The following PPM1J variants were observed in gnomAD, a reference collection of about 807,000 sequenced individuals.
The protein encoded by PPM1J is protein phosphatase, Mg2+/Mn2+ dependent 1J, also known as protein phosphatase 1J.
In PPM1J, 43 loss-of-function variants were observed where a neutral mutation model predicts 53.3. The ratio of observed to expected loss-of-function variants is 0.81; its 90% CI spans 0.63 to 1.04. The LOEUF is 1.04. PPM1J is among the 50% of genes least tolerant of loss of function. The pLI is 0.00. For missense variants in PPM1J, 635 were observed against 685.9 expected, an observed-to-expected ratio of 0.93 and a Z score of 0.83; for synonymous variants, 267 against 286.4, an observed-to-expected ratio of 0.93 and a Z score of 0.68.
chr1:112,712,116 T>G, intron 4 of PPM1J, 61 bp from the exon 5 acceptor site: 1 of 1,397,038 alleles, frequency 7.2e-7, no homozygotes, highest in Non-Finnish European at 9.9e-7. Flanking sequence ...CATGAAAAAT[T>G]CCAGAAAGAC....
chr1:112,710,088 G>A lies in PPM1J; in HGVS notation c.*75C>T, dbSNP rs1675020834. On this transcript the variant is annotated 3_prime_UTR_variant, in exon 10 of 10. Coordinates refer to ENST00000309276, the MANE Select transcript of PPM1J (RefSeq NM_005167.7). ...TAAGTTGCCACTAAAGAAGGGTCAG[G>A]GAGACAACTTCAGAATTTGGGCTGT... The A allele has an allele frequency of 6.7e-7, 1 of 1,489,952 alleles. No individual in the cohort carries two copies. Among genetic ancestry groups the A allele is most frequent in the Non-Finnish European group, 8.9e-7 (1 of 1,122,540 alleles). 92.3% of individuals were successfully genotyped at this position (1,489,952 alleles called of 1,614,324 possible).
Position 112,711,082 on chromosome 1 carries a change from G to T in PPM1J, c.1047-11C>A. ...ATCTTTTTGTAGGCCCTGGGGAGGG[G>T]GGAGTAGAGGAGGCATCACCCAGGC... On this transcript the variant is annotated splice_polypyrimidine_tract_variant and intron_variant, in intron 6 of 9. Transcript: ENST00000309276. 1.2e-6 allele frequency: 2 copies of T among 1,613,370 alleles called. No individual in the cohort carries two copies. Among genetic ancestry groups the T allele is most frequent in the Non-Finnish European group, 1.7e-6 (2 of 1,179,340 alleles).
At position 112,710,189 on chromosome 1, in the gene PPM1J, G is replaced by C. The variant is rs145240839; in HGVS notation, c.1492C>G (p.Leu498Val). Residue 498 changes from leucine to valine, a missense_variant, in exon 10 of 10, where the codon CTG becomes GTG. Physicochemically the swap from Leu to Val is conservative, Grantham distance 32. Coordinates refer to ENST00000309276, the MANE Select transcript of PPM1J (RefSeq NM_005167.7). ...GDDISVFVIPLGGPGSYS is the reference protein window; with the variant it reads ...GDDISVFVIPVGGPGSYS ...CAGGAGTAACTGCCTGGCCCTCCCAGGGGGATGACGAAGACAGAGATGTCA... is the reference window on the plus strand; with the variant it reads ...CAGGAGTAACTGCCTGGCCCTCCCACGGGGATGACGAAGACAGAGATGTCA... The C allele has an allele frequency of 5.2e-4, 816 of 1,574,888 alleles. 3 individuals are homozygous for C. Among genetic ancestry groups the C allele is most frequent in the Non-Finnish European group, 4.3e-4 (506 of 1,165,018 alleles).
Position 112,712,347 on chromosome 1 carries a change from G to C in PPM1J, c.840C>G (p.Ser280Arg), listed in dbSNP as rs779971861. 2 of 1,608,518 alleles carry C rather than the reference G, an allele frequency of 1.2e-6. No individual in the cohort carries two copies. Among genetic ancestry groups the C allele is most frequent in the East Asian group, 2.2e-5 (1 of 44,572 alleles). ...GKVYVANAGDSRAIIVRNGEI... is the reference protein window; with the variant it reads ...GKVYVANAGDRRAIIVRNGEI... ...CCTTGGAGCCCCCTCCCCCATACCT[G>C]CTATCGCCTGCATTGGCCACGTACA... is the stretch of plus-strand genomic sequence containing the variant. Residue 280 changes from serine to arginine, a missense_variant and splice_region_variant, in exon 4 of 10, where the codon AGC (serine) becomes AGG (arginine). Coordinates refer to ENST00000309276, the MANE Select transcript of PPM1J (RefSeq NM_005167.7).
At chr1:112,712,638 G>A in intron 3 of PPM1J, 106 bp downstream of exon 3, 1 of 1,266,766 alleles carries the variant, frequency 7.9e-7, no homozygotes, top group Non-Finnish European at 1.1e-6. Flanking sequence ...GCTCTGCTCA[G>A]GCTCTCAAAG....
rs1408869107 is a variant in PPM1J at position 112,711,959 on chromosome 1, G to C, written c.927+12C>G. On this transcript the variant is annotated intron_variant, in intron 5 of 9. Transcript: ENST00000309276. ...ACAAAGAATGGGGGTAGGGAATTTGGTTCCTACTTACAAGCAGCTGAAGAC... is the reference window on the plus strand; with the variant it reads ...ACAAAGAATGGGGGTAGGGAATTTGCTTCCTACTTACAAGCAGCTGAAGAC... 1.9e-6 allele frequency: 3 copies of C among 1,590,654 alleles called. No individual in the cohort carries two copies. Among genetic ancestry groups the C allele is most frequent in the Non-Finnish European group, 2.6e-6 (3 of 1,163,310 alleles).
chr1:112,712,806 G>A lies in PPM1J; in HGVS notation c.667C>T (p.Gln223Ter), dbSNP rs1249025991. 1.2e-6 allele frequency: 2 copies of A among 1,613,284 alleles called. No individual in the cohort carries two copies. Among genetic ancestry groups the A allele is most frequent in the Admixed American group, 1.7e-5 (1 of 60,030 alleles). The change falls in exon 3 of 10, where the codon CAG becomes TAG. Residue 223 changes from glutamine to a stop codon, truncating the protein, a stop_gained. Coordinates refer to ENST00000309276, the MANE Select transcript of PPM1J (RefSeq NM_005167.7). LOFTEE classifies it high-confidence loss of function. Reference sequence around the variant, plus strand: ...AGGCTCTCGTGGCTCACTTCCTTCTGTGAAGACCAGCAGGACTGAGGGCCA... The same window carrying A: ...AGGCTCTCGTGGCTCACTTCCTTCTATGAAGACCAGCAGGACTGAGGGCCA... ...LLGPQSCWSSQKEVSHESLVV... is the reference protein window; with the variant it reads ...LLGPQSCWSS
intron 6 of PPM1J, 33 bp from the exon 7 acceptor site, chr1:112,711,104 A>G: frequency 6.3e-7 from 1 of 1,597,836 alleles, no homozygotes; most frequent in East Asian, 2.2e-5. Context: ...GGCATCACCC[A>G]GGCATCAAAG....
At position 112,711,055 on chromosome 1, in the gene PPM1J, C is replaced by T. The variant is rs556740336; in HGVS notation, c.1063G>A (p.Glu355Lys). The change falls in exon 7 of 10, where the codon GAG becomes AAG. Residue 355 changes from glutamate to lysine, a missense_variant. Transcript: ENST00000309276. ...NMTGWAYKKIELEDLRFPLVC... is the reference protein window; with the variant it reads ...NMTGWAYKKIKLEDLRFPLVC... ...AGAGGAAACCTGAGATCCTCCAGCT[C>T]GATCTTTTTGTAGGCCCTGGGGAGG... 59 of 1,614,040 alleles carry T rather than the reference C, an allele frequency of 3.7e-5. No individual in the cohort carries two copies. The highest frequency in any genetic ancestry group is 2.2e-4 in the South Asian group (20 of 91,058).
At position 112,712,993 on chromosome 1, in the gene PPM1J, A is replaced by T. The variant is rs778265622; in HGVS notation, c.480T>A (p.His160Gln). ...CFYYWGLFDG[H>Q]AGGGAAEMAS... ...CCATTTCAGCAGCTCCGCCCCCTGC[A>T]TGCCCATCAAATAGGCCCCAGTAGT... The change falls in exon 3 of 10, where the codon CAT (histidine) becomes CAA (glutamine). Residue 160 changes from histidine to glutamine, a missense_variant. Coordinates refer to ENST00000309276, the MANE Select transcript of PPM1J (RefSeq NM_005167.7). 1 of 1,611,278 alleles carries T rather than the reference A, an allele frequency of 6.2e-7. No individual in the cohort carries two copies. Among genetic ancestry groups the T allele is most frequent in the Non-Finnish European group, 8.5e-7 (1 of 1,178,478 alleles).
At position 112,711,369 on chromosome 1, in the gene PPM1J, C is replaced by G. The variant is rs759211701; in HGVS notation, c.943G>C (p.Glu315Gln). 4 of 1,602,440 alleles carry G rather than the reference C, an allele frequency of 2.5e-6. No individual in the cohort carries two copies. Among genetic ancestry groups the G allele is most frequent in the Non-Finnish European group, 3.4e-6 (4 of 1,174,270 alleles). ...RLQLLGFLKP[E>Q]LLGSEFTHLE... ...TGGGTGAATTCACTGCCTAGCAGCT[C>G]TGGTTTCAGGAAGCCCTGGAGTTGG... The change falls in exon 6 of 10, where the codon GAG (glutamate) becomes CAG (glutamine). Residue 315 changes from glutamate (E) to glutamine (Q), a missense_variant. Physicochemically the swap from Glu to Gln is conservative, Grantham distance 29 (BLOSUM62 2). Coordinates refer to ENST00000309276, the MANE Select transcript of PPM1J (RefSeq NM_005167.7).
At chr1:112,714,935 G>A (rs1431757713) in intron 1 of PPM1J, 41 bp downstream of exon 1, 2 of 1,346,418 alleles carry the variant, frequency 1.5e-6, no homozygotes, top group Non-Finnish European at 1.9e-6. Context: ...GGAGAGGGGT[G>A]GGAGCCCCAT....
Position 112,712,987 on chromosome 1 carries a change from C to G in PPM1J, c.486G>C (p.Gly162=). The G allele has an allele frequency of 1.2e-6, 2 of 1,611,884 alleles. No individual in the cohort carries two copies. The highest frequency in any genetic ancestry group is 1.7e-6 in the Non-Finnish European group (2 of 1,178,880). Residue 162 remains glycine, a synonymous_variant, in exon 3 of 10, where the codon GGG becomes GGC. Coordinates refer to ENST00000309276, the MANE Select transcript of PPM1J (RefSeq NM_005167.7). ...GTGAGGCCATTTCAGCAGCTCCGCC[C>G]CCTGCATGCCCATCAAATAGGCCCC... ...YYWGLFDGHA[G]GGAAEMASRL...
In PPM1J at chr1:112,713,480, AAG is replaced by A. The variant is rs1675122331; in HGVS notation, c.441+15_441+16del. On this transcript the variant is annotated intron_variant, in intron 2 of 9. Transcript: ENST00000309276. ...GAGAGGTGTCACTGTGTCTCTGGGA[AAG>A]GGGATGGGTCTTACCTGGCCTCGGC... 3 of 1,569,720 alleles carry A rather than the reference AAG, an allele frequency of 1.9e-6. No individual in the cohort carries two copies. In the African/African-American group the frequency reaches 4.0e-5, roughly 21 times the overall value.
rs1195998909 is a variant in PPM1J at position 112,710,545 on chromosome 1, C to A, written c.1285G>T (p.Gly429Cys). 4 of 1,614,104 alleles carry A rather than the reference C, an allele frequency of 2.5e-6. No homozygotes were observed. The highest frequency in any genetic ancestry group is 1.7e-6 in the Non-Finnish European group (2 of 1,180,044). ...CAGTCAGTAGTGACATCCCACAGGC[C>A]ATCTGTTCCCAGGACTAGCACATCA... ...PDDVLVLGTD[G>C]LWDVTTDCEV... Residue 429 changes from glycine to cysteine, a missense_variant, in exon 9 of 10, where the codon GGC becomes TGC. Gly to Cys is a radical substitution (Grantham distance 159). Coordinates refer to ENST00000309276, the MANE Select transcript of PPM1J (RefSeq NM_005167.7).
At position 112,711,056 on chromosome 1, in the gene PPM1J, G is replaced by A. The variant is rs755866439; in HGVS notation, c.1062C>T (p.Ile354=). The A allele has an allele frequency of 2.3e-5, 37 of 1,613,842 alleles. No individual in the cohort carries two copies. Among genetic ancestry groups the A allele is most frequent in the Non-Finnish European group, 2.8e-5 (33 of 1,179,930 alleles). The change falls in exon 7 of 10, where the codon ATC becomes ATT. Residue 354 remains isoleucine (I), a synonymous_variant. Coordinates refer to ENST00000309276, the MANE Select transcript of PPM1J (RefSeq NM_005167.7). ...GAGGAAACCTGAGATCCTCCAGCTC[G>A]ATCTTTTTGTAGGCCCTGGGGAGGG... ...QNMTGWAYKK[I]ELEDLRFPLV... is the part of the protein sequence containing the mutation.
In PPM1J at chr1:112,710,608, G is replaced by A. The variant is rs147305772; in HGVS notation, c.1222C>T (p.Arg408Ter). The change falls in exon 9 of 10, where the codon CGA becomes TGA. Residue 408 changes from arginine (R) to a stop codon, truncating the protein, a stop_gained. Coordinates refer to ENST00000309276, the MANE Select transcript of PPM1J (RefSeq NM_005167.7). LOFTEE classifies it high-confidence loss of function. ...TCATATTGTGTCAGGTCATACACTC[G>A]TACCTGGTGGGAGAAAAGGGCAGAG... Reference protein sequence around the residue: ...KPFLSCFPEVRVYDLTQYEHC... With the variant: ...KPFLSCFPEV 29 of 1,614,108 alleles carry A rather than the reference G, an allele frequency of 1.8e-5. No homozygotes were observed. Among genetic ancestry groups the A allele is most frequent in the African/African-American group, 9.3e-5 (7 of 75,024 alleles).
At chr1:112,714,531 C>CA (rs1351720328) in intron 1 of PPM1J, 1 of 992,978 alleles carries the variant, frequency 1.0e-6, no homozygotes, top group Non-Finnish European at 1.2e-6. Context: ...GTAAGAGGGA[C>CA]AGGGAACTGG....
intron 6 of PPM1J, 59 bp downstream of exon 6, chr1:112,711,207 G>A (rs1017357396): frequency 4.7e-5 from 70 of 1,481,580 alleles, no homozygotes; most frequent in Non-Finnish European, 6.1e-5. Flanking sequence ...ACCTTGCTGC[G>A]GGCGAGGGAC....
Sources: allele counts gnomAD v4.1 joint callset, GRCh38; gene constraint gnomAD v4.1.1; transcripts MANE v1.5; gene names NCBI Gene and HGNC (gene_info 2026-07-23, HGNC 2026-07-21).